The following RUFY1 variants were observed in gnomAD, a reference collection of about 807,000 sequenced individuals.
The protein encoded by RUFY1 is RUN and FYVE domain-containing protein 1.
RUFY1 carries 54 observed loss-of-function variants against 94.6 expected under a neutral mutation model. The ratio of observed to expected loss-of-function variants is 0.57; its 90% CI spans 0.46 to 0.72. RUFY1 has a LOEUF of 0.72. RUFY1 is among the 30% of genes least tolerant of loss of function. RUFY1 has a pLI of 0.00. For missense variants in RUFY1, 883 were observed against 883.9 expected (o/e 1.00, Z 0.01); for synonymous variants, 396 against 347.3 (o/e 1.14, Z -1.56).
At chr5:179,585,743 A>G in intron 7 of RUFY1, 53 bp from the exon 8 acceptor site, 1 of 1,349,468 alleles carries the variant, frequency 7.4e-7, no homozygotes, top group African/African-American at 1.4e-5. Flanking sequence ...CAGATTGAGA[A>G]AACAGTCAGC....
chr5:179,590,150 G>A (rs892522388), intron 9 of RUFY1, among the ~76,000 whole-genome samples: 5 of 152,164 alleles, frequency 3.3e-5, no homozygotes, highest in African/African-American at 1.2e-4. Context: ...CCAGGAGATC[G>A]AGACTGTCCT....
intron 12 of RUFY1, chr5:179,596,287 A>G (rs759394817): frequency 1.2e-4 from 61 of 509,674 alleles, no homozygotes; most frequent in Non-Finnish European, 1.9e-4. Flanking sequence ...TCAAGGTTAT[A>G]TAATGTATAA....
At chr5:179,605,740 AT>A (rs201298029) in intron 15 of RUFY1, 135 bp from the exon 16 acceptor site, 22,530 of 717,788 alleles carry the variant, frequency 0.031, 564 homozygotes, top group Non-Finnish European at 0.036. Flanking sequence ...GGCGGAAGGC[AT>A]TTTAACAACT....
At chr5:179,564,751 A>G (rs1482786603) in intron 3 of RUFY1, among the ~76,000 whole-genome samples, 3 of 149,008 alleles carry the variant, frequency 2.0e-5, no homozygotes, top group African/African-American at 7.4e-5. Context: ...TACACATGTA[A>G]CACATGAAAA....
chr5:179,590,365 G>A (rs201057433), intron 9 of RUFY1, among the ~76,000 whole-genome samples: 11 of 136,328 alleles, frequency 8.1e-5, no homozygotes, highest in East Asian at 2.0e-4. Flanking sequence ...AAAAAAAAAA[G>A]AGAGACCATA....
chr5:179,598,802 A>G lies in RUFY1; in HGVS notation c.1742A>G (p.Gln581Arg), dbSNP rs767946191. 6.2e-7 allele frequency: 1 copy of G among 1,614,230 alleles called. No homozygotes were observed. Among genetic ancestry groups the G allele is most frequent in the Non-Finnish European group, 8.5e-7 (1 of 1,180,044 alleles). The change falls in exon 14 of 18, where the codon CAA (glutamine) becomes CGA (arginine). Residue 581 changes from glutamine to arginine, a missense_variant. Physicochemically the swap from Gln to Arg is conservative, Grantham distance 43 (BLOSUM62 1). Coordinates refer to ENST00000319449, the MANE Select transcript of RUFY1 (RefSeq NM_025158.5). ...TCTCTACTCAGGATGGAGCTGCAAC[A>G]AGTGGAAGGACTGAAAAAGGTGAGG... ...TSSLLRMELQ[Q>R]VEGLKKELRE...
rs78972947 is a variant in RUFY1, at chr5:179,604,211, A to G, written c.1857-1665A>G. 8.2e-3 allele frequency among the ~76,000 whole-genome samples: 1,242 copies of G among 152,310 alleles called. 14 individuals carry two copies. The highest frequency in any genetic ancestry group is 0.027 in the African/African-American group (1,139 of 41,566). On this transcript the variant is annotated intron_variant, in intron 15 of 17. Coordinates refer to ENST00000319449, the MANE Select transcript of RUFY1 (RefSeq NM_025158.5). ...GCATCAGGTGTTTGCAAACCCAGAC[A>G]GGACTACCTGAGGAGTTGCTTTTGT...
At chr5:179,563,220 A>G (rs975187793) in intron 3 of RUFY1, among the ~76,000 whole-genome samples, 1 of 152,148 alleles carries the variant, frequency 6.6e-6, no homozygotes, top group Non-Finnish European at 1.5e-5. Flanking sequence ...AGTTTCCCAG[A>G]CGGGACTGGA....
At chr5:179,583,324 G>A (rs945281203) in intron 7 of RUFY1, among the ~76,000 whole-genome samples, 2 of 151,102 alleles carry the variant, frequency 1.3e-5, no homozygotes, top group African/African-American at 4.9e-5. Context: ...GAAGCTGAAA[G>A]CATTTATGAG....
At chr5:179,580,361 G>GC (rs1349180418) in intron 6 of RUFY1, among the ~76,000 whole-genome samples, 10 of 151,314 alleles carry the variant, frequency 6.6e-5, no homozygotes, top group African/African-American at 2.4e-4. Context: ...TCCTGCCTCA[G>GC]CCTCCCGAGG....
At chr5:179,573,985 A>G (rs925819297) in intron 5 of RUFY1, among the ~76,000 whole-genome samples, 1 of 152,160 alleles carries the variant, frequency 6.6e-6, no homozygotes, top group African/African-American at 2.4e-5. Context: ...CTACCTGATC[A>G]TTGTAAACCC....
chr5:179,575,126 A>G (rs556777037), intron 5 of RUFY1, among the ~76,000 whole-genome samples: 19 of 145,826 alleles, frequency 1.3e-4, no homozygotes, highest in Non-Finnish European at 2.2e-4. Flanking sequence ...TACTTTTTCT[A>G]TACATTTATG....
At chr5:179,598,950 G>A (rs1765995842) in intron 14 of RUFY1, 129 bp downstream of exon 14, 1 of 940,898 alleles carries the variant, frequency 1.1e-6, no homozygotes, top group Admixed American at 2.4e-5. Flanking sequence ...TGGGGAGGCT[G>A]TTAGGGAGCT....
At chr5:179,595,941 T>C (rs1181269352) in intron 12 of RUFY1, 1 of 155,874 alleles carries the variant, frequency 6.4e-6, no homozygotes, top group Non-Finnish European at 1.4e-5. Context: ...TGCAAAATGG[T>C]GCAACCACTC....
chr5:179,558,936 A>G (rs1020178476), intron 1 of RUFY1, among the ~76,000 whole-genome samples: 4 of 152,250 alleles, frequency 2.6e-5, no homozygotes, highest in African/African-American at 9.6e-5. Flanking sequence ...GACAAAGGCA[A>G]GCAATTCAAC....
intron 5 of RUFY1, among the ~76,000 whole-genome samples, chr5:179,574,568 C>T (rs1210764267): frequency 6.6e-6 from 1 of 152,134 alleles, no homozygotes. Flanking sequence ...ACCACTTTAA[C>T]TTTTAGCATA....
intron 15 of RUFY1, among the ~76,000 whole-genome samples, chr5:179,605,255 G>A (rs1321181379): frequency 6.7e-6 from 1 of 149,672 alleles, no homozygotes; most frequent in African/African-American, 2.5e-5. Context: ...TTCCAGCCTG[G>A]GCAATATAGC....
At chr5:179,583,805 A>G (rs1764372123) in intron 7 of RUFY1, among the ~76,000 whole-genome samples, 1 of 150,874 alleles carries the variant, frequency 6.6e-6, no homozygotes, top group African/African-American at 2.4e-5. Flanking sequence ...GCTGGAGTGC[A>G]GTGGCATGAT....
At chr5:179,606,902 A>C (rs1767144761) in intron 16 of RUFY1, 1 of 152,482 alleles carries the variant, frequency 6.6e-6, no homozygotes, top group Non-Finnish European at 1.5e-5. Context: ...CATGCCTTTG[A>C]CTTCTCTGGA....
Sources: allele counts gnomAD v4.1 joint callset (sites outside exome capture counted in the v4.1 genomes callset), GRCh38; gene constraint gnomAD v4.1.1; transcripts MANE v1.5; gene names NCBI Gene and HGNC (gene_info 2026-07-23, HGNC 2026-07-21).